Variants in CRB1 observed in about 807,000 individuals in gnomAD.
CRB1 encodes the protein crumbs cell polarity complex component 1.
Under a neutral mutation model 120.0 loss-of-function variants are expected in CRB1, and 83 were observed. That is an observed-to-expected ratio of 0.69 (90% CI 0.58 to 0.83). CRB1 has a LOEUF of 0.83. Ranked by LOEUF, CRB1 falls within the 40% of genes least tolerant of loss-of-function variation. The pLI, the probability that CRB1 is intolerant of heterozygous loss-of-function variation, is 0.00. For synonymous variants in CRB1, 625 were observed against 612.5 expected (o/e 1.02, Z -0.30); for missense variants, 1,699 against 1,687.6 (o/e 1.01, Z -0.12).
intron 5 of CRB1, chr1:197,357,381 G>T: frequency 6.4e-6 from 2 of 310,618 alleles, no homozygotes; most frequent in Non-Finnish European, 1.2e-5. Context: ...AAAAGTTATT[G>T]TACTTATATT....
intron 1 of CRB1, among the ~76,000 whole-genome samples, chr1:197,326,010 A>G (rs1658472535): frequency 6.6e-6 from 1 of 152,222 alleles, no homozygotes; most frequent in Non-Finnish European, 1.5e-5. Context: ...AATCTTAAGA[A>G]AAGACTGAGT....
chr1:197,295,182 C>G (rs1046633196), intron 1 of CRB1, among the ~76,000 whole-genome samples: 1 of 151,958 alleles, frequency 6.6e-6, no homozygotes, highest in Non-Finnish European at 1.5e-5. Context: ...TCTTGGCAGG[C>G]TATAGAATTG....
intron 4 of CRB1, among the ~76,000 whole-genome samples, chr1:197,348,617 C>A (rs1659913659): frequency 6.6e-6 from 1 of 152,124 alleles, no homozygotes; most frequent in Non-Finnish European, 1.5e-5. Context: ...GCTGGTACTA[C>A]AGGTGCCTGC....
At position 197,344,385 on chromosome 1, in the gene CRB1, G is replaced by C. The variant is rs114913030; in HGVS notation, c.757G>C (p.Gly253Arg). 1 of 1,614,040 alleles carries C rather than the reference G, an allele frequency of 6.2e-7. No homozygotes were observed. Among genetic ancestry groups the C allele is most frequent in the East Asian group, 2.2e-5 (1 of 44,876 alleles). ...LGAYFCDCAP[G>R]FLGDHCELNT... ...GGCCTATTTCTGCGACTGTGCCCCT[G>C]GATTCCTGGGGGATCACTGTGAACT... Residue 253 changes from glycine to arginine, a missense_variant, in exon 3 of 12, where the codon GGA becomes CGA. Coordinates refer to ENST00000367400, the MANE Select transcript of CRB1 (RefSeq NM_201253.3).
chr1:197,227,729 G>A, the CRB1 span, among the ~76,000 whole-genome samples: 10 of 152,010 alleles, frequency 6.6e-5, no homozygotes, highest in Admixed American at 1.3e-4. Flanking sequence ...ACAGCTCCAC[G>A]AGGCAGTGCC....
At chr1:197,301,105 G>A (rs974151768) in intron 1 of CRB1, among the ~76,000 whole-genome samples, 2 of 151,056 alleles carry the variant, frequency 1.3e-5, no homozygotes, top group African/African-American at 4.9e-5. Flanking sequence ...ATGGAGATGG[G>A]CAAGGATGTG....
chr1:197,242,351 A>C, the CRB1 span, among the ~76,000 whole-genome samples: 1 of 152,146 alleles, frequency 6.6e-6, no homozygotes, highest in Non-Finnish European at 1.5e-5. Context: ...GATACGTTTC[A>C]TGAATACCTG....
intron 1 of CRB1, among the ~76,000 whole-genome samples, chr1:197,298,416 A>G (rs1019418919): frequency 3.3e-5 from 5 of 152,140 alleles, no homozygotes; most frequent in Admixed American, 6.6e-5. Context: ...TAAATTGCAG[A>G]CGATGAAAAA....
At chr1:197,471,942 G>T (rs10922235) in intron 11 of CRB1, among the ~76,000 whole-genome samples, 143,160 of 152,216 alleles carry the variant, frequency 0.94, 67,978 homozygotes, top group East Asian at 1. Flanking sequence ...TTTTAAAAAA[G>T]TTAGTGGATG....
chr1:197,377,986 CT>C (rs1202081844), intron 5 of CRB1, among the ~76,000 whole-genome samples: 1 of 152,128 alleles, frequency 6.6e-6, no homozygotes, highest in Non-Finnish European at 1.5e-5. Flanking sequence ...AGTTAATTGG[CT>C]TATGGCAAAA....
At chr1:197,252,558 ATATATATATATATATATATATATATG>A in the CRB1 span, among the ~76,000 whole-genome samples, 8 of 38,912 alleles carry the variant, frequency 2.1e-4, no homozygotes, top group African/African-American at 5.1e-4. Flanking sequence ...ATATATATAT[ATATATATATATATATATATATATATG>A]TGTGTGTGTG....
chr1:197,271,751 C>G (rs1654921779), intron 1 of CRB1, among the ~76,000 whole-genome samples: 1 of 152,050 alleles, frequency 6.6e-6, no homozygotes, highest in Admixed American at 6.6e-5. Context: ...ATGTATGAAT[C>G]TGTTCTGAAG....
rs374246592 is a variant in CRB1 at position 197,375,800 on chromosome 1, C to A, written c.1171+18787C>A. Among the ~76,000 whole-genome samples, 111 of 152,194 alleles carry A rather than the reference C, an allele frequency of 7.3e-4. 3 individuals carry two copies. In the East Asian group the frequency reaches 9.1e-3, roughly 12 times the overall value. On this transcript the variant is annotated intron_variant, in intron 5 of 11. Coordinates refer to ENST00000367400, the MANE Select transcript of CRB1 (RefSeq NM_201253.3). The stretch of plus-strand genomic sequence containing the variant: ...CATTCTAATTGGCTTGCCTATCTAT[C>A]CTCTGGAAAAAAAATGCTCCTTAGA...
At chr1:197,374,820 T>G (rs2821107) in intron 5 of CRB1, among the ~76,000 whole-genome samples, 1 of 151,998 alleles carries the variant, frequency 6.6e-6, no homozygotes, top group African/African-American at 2.4e-5. Flanking sequence ...TTGACTCAGC[T>G]GTCACAGATA....
chr1:197,217,261 T>C, the CRB1 span, among the ~76,000 whole-genome samples: 1 of 152,250 alleles, frequency 6.6e-6, no homozygotes, highest in East Asian at 1.9e-4. Flanking sequence ...TGCACCTATT[T>C]TGGAAAACAG....
intron 2 of CRB1, 28 bp from the exon 3 acceptor site, chr1:197,344,253 G>GCT: frequency 6.2e-7 from 1 of 1,611,350 alleles, no homozygotes; most frequent in Non-Finnish European, 8.5e-7. Context: ...AACTTTTTCT[G>GCT]TTTTTTCTGT....
intron 1 of CRB1, among the ~76,000 whole-genome samples, chr1:197,271,417 G>A (rs189833496): frequency 4.6e-5 from 7 of 152,228 alleles, no homozygotes; most frequent in African/African-American, 1.7e-4. Context: ...TGTCCTTCCA[G>A]TTGAGGACAT....
rs1485154875 is a variant in CRB1, at chr1:197,401,748, GTTTATC to G, written c.1172-19247_1172-19242del. On this transcript the variant is annotated intron_variant, in intron 5 of 11. Transcript: ENST00000367400. Reference sequence around the variant, plus strand: ...ATAATTTTTCCCTTAGTCACATGAAGTTTATCTTTAAGTATTTTTAGGCTATGCACT... The same window carrying G: ...ATAATTTTTCCCTTAGTCACATGAAGTTTAAGTATTTTTAGGCTATGCACT... 3.3e-5 allele frequency among the ~76,000 whole-genome samples: 5 copies of G among 152,044 alleles called. No homozygotes were observed. In the East Asian group the frequency reaches 5.8e-4, roughly 18 times the overall value.
the CRB1 span, among the ~76,000 whole-genome samples, chr1:197,239,802 C>A: frequency 2.7e-5 from 4 of 149,586 alleles, no homozygotes; most frequent in African/African-American, 9.8e-5. Flanking sequence ...ATTTTAATAT[C>A]TCTATAGTAT....
Sources: allele counts gnomAD v4.1 joint callset (sites outside exome capture counted in the v4.1 genomes callset), GRCh38; gene constraint gnomAD v4.1.1; transcripts MANE v1.5; gene names NCBI Gene and HGNC (gene_info 2026-07-23, HGNC 2026-07-21).